Variants in CTSE observed in about 807,000 individuals in gnomAD.
CTSE encodes cathepsin E.
In CTSE, 43 loss-of-function variants were observed where a neutral mutation model predicts 42.8. That is an observed-to-expected ratio of 1.01 (90% CI 0.79 to 1.30). CTSE has a LOEUF of 1.30. CTSE is among the 50% of genes most tolerant of loss of function. The probability of loss-of-function intolerance (pLI) is 0.00; values close to 1 mark genes in which losing one functional copy is unlikely to be tolerated. For synonymous variants in CTSE, 205 were observed against 191.5 expected (o/e 1.07, Z -0.58); for missense variants, 532 against 493.5 (o/e 1.08, Z -0.74).
At chr1:206,022,325 T>A (rs1661464193) in intron 2 of CTSE, 58 bp from the exon 3 acceptor site, 1 of 1,283,888 alleles carries the variant, frequency 7.8e-7, no homozygotes, top group Admixed American at 1.9e-5. Flanking sequence ...ACAAGGGTGC[T>A]CACCAGGAAG....
At chr1:206,018,124 T>C (rs997348268) in intron 4 of CTSE, among the ~76,000 whole-genome samples, 4 of 152,010 alleles carry the variant, frequency 2.6e-5, no homozygotes, top group Non-Finnish European at 4.4e-5. Flanking sequence ...TTTTATCAGA[T>C]TAAGGGAGTT....
chr1:206,013,634 G>C (rs1661180987), intron 6 of CTSE, 138 bp downstream of exon 6: 1 of 1,085,088 alleles, frequency 9.2e-7, no homozygotes, highest in Admixed American at 2.3e-5. Flanking sequence ...CACTTGCTCA[G>C]CACCTCCATA....
rs782775821 is a variant in CTSE, at chr1:206,010,277, G to A, written c.1097C>T (p.Pro366Leu). Residue 366 changes from proline to leucine, a missense_variant, in exon 9 of 9, where the codon CCC becomes CTC. Pro to Leu is a moderately conservative substitution (Grantham distance 98). Coordinates refer to ENST00000358184, the MANE Select transcript of CTSE (RefSeq NM_001910.4). Reference sequence around the variant, plus strand: ...GAAGACATCCCCCAGGATCCAGAGGGGCCCAGCTGGAGGGTGGATGTCAAG... The same window carrying A: ...GAAGACATCCCCCAGGATCCAGAGGAGCCCAGCTGGAGGGTGGATGTCAAG... ...QGLDIHPPAG[P>L]LWILGDVFIR... 1 of 1,613,810 alleles carries A rather than the reference G, an allele frequency of 6.2e-7. No homozygotes were observed. The highest frequency in any genetic ancestry group is 8.5e-7 in the Non-Finnish European group (1 of 1,179,812).
At chr1:206,012,190 G>T in intron 8 of CTSE, 118 bp downstream of exon 8, 1 of 801,486 alleles carries the variant, frequency 1.2e-6, no homozygotes, top group Non-Finnish European at 2.0e-6. Flanking sequence ...CATGAGAGCA[G>T]AACAACGTGG....
chr1:206,013,687 A>T (rs1191541764), intron 6 of CTSE, 85 bp downstream of exon 6: 36 of 1,508,324 alleles, frequency 2.4e-5, no homozygotes, highest in Non-Finnish European at 3.2e-5. Flanking sequence ...GCTAGTGACC[A>T]GTGGTTTTTC....
chr1:206,018,022 T>C (rs1553277896), intron 4 of CTSE, among the ~76,000 whole-genome samples: 1 of 152,028 alleles, frequency 6.6e-6, no homozygotes, highest in African/African-American at 2.4e-5. Flanking sequence ...TGAGTGTCCT[T>C]GTCTCATTCT....
Position 206,021,091 on chromosome 1 carries a change from T to A in CTSE, c.420A>T (p.Gly140=). 1 of 1,613,652 alleles carries A rather than the reference T, an allele frequency of 6.2e-7. No homozygotes were observed. The highest frequency in any genetic ancestry group is 8.5e-7 in the Non-Finnish European group (1 of 1,179,626). ...QPGQSFSIQY[G]TGSLSGIIGA... ...CAATGATCCCGGACAAGCTCCCGGTTCCATACTGAATGGAGAAAGATTGAC... is the reference window on the plus strand; with the variant it reads ...CAATGATCCCGGACAAGCTCCCGGTACCATACTGAATGGAGAAAGATTGAC... Residue 140 remains glycine, a synonymous_variant, in exon 4 of 9, where the codon GGA becomes GGT. Transcript: ENST00000358184.
Position 206,016,011 on chromosome 1 carries a change from C to A in CTSE, c.582G>T (p.Val194=). ...TGTCAAATACTGGAGTCACTCCTCCCACAGCCAAGGAGGGGTATCCCAGGC... is the reference window on the plus strand; with the variant it reads ...TGTCAAATACTGGAGTCACTCCTCCAACAGCCAAGGAGGGGTATCCCAGGC... ...ILGLGYPSLA[V]GGVTPVFDNM... The change falls in exon 5 of 9, where the codon GTG becomes GTT. Residue 194 remains valine, a synonymous_variant. Transcript: ENST00000358184. 1 of 1,613,880 alleles carries A rather than the reference C, an allele frequency of 6.2e-7. No individual in the cohort carries two copies. The highest frequency in any genetic ancestry group is 8.5e-7 in the Non-Finnish European group (1 of 1,179,856).
rs1553277111 is a variant in CTSE, at chr1:206,012,373, G to T, written c.961C>A (p.Pro321Thr). ...AVECANLNVM[P>T]DVTFTINGVP... ...CCGTTAATGGTGAAGGTGACATCCG[G>T]CATGACGTTAAGGTTGGCACACTCC... Residue 321 changes from proline (P) to threonine (T), a missense_variant, in exon 8 of 9, where the codon CCG (proline) becomes ACG (threonine). Pro to Thr is a conservative substitution (Grantham distance 38). Coordinates refer to ENST00000358184, the MANE Select transcript of CTSE (RefSeq NM_001910.4). The T allele has an allele frequency of 1.2e-6, 2 of 1,613,994 alleles. No homozygotes were observed. Among genetic ancestry groups the T allele is most frequent in the Admixed American group, 1.7e-5 (1 of 60,016 alleles).
intron 4 of CTSE, among the ~76,000 whole-genome samples, chr1:206,020,247 A>G (rs980075976): frequency 1.2e-4 from 18 of 151,278 alleles, no homozygotes; most frequent in African/African-American, 4.4e-4. Flanking sequence ...AAAATACAGT[A>G]CATTGTTTTA....
chr1:206,013,020 A>G (rs1661160474), intron 6 of CTSE, among the ~76,000 whole-genome samples: 1 of 152,082 alleles, frequency 6.6e-6, no homozygotes, highest in Non-Finnish European at 1.5e-5. Flanking sequence ...AAATGATGTC[A>G]TGACCCATAA....
chr1:206,020,950 G>A (rs555223461), intron 4 of CTSE, 99 bp downstream of exon 4: 1 of 884,130 alleles, frequency 1.1e-6, no homozygotes, highest in South Asian at 1.5e-5. Flanking sequence ...GCTAACCCCT[G>A]TTTCCACCCA....
intron 2 of CTSE, 40 bp downstream of exon 2, chr1:206,022,861 G>A (rs782354937): frequency 8.6e-6 from 13 of 1,518,808 alleles, no homozygotes; most frequent in South Asian, 3.9e-5. Context: ...CCTTCCTCCC[G>A]CTCCCACCTC....
chr1:206,014,723 C>A (rs917649388), intron 5 of CTSE, among the ~76,000 whole-genome samples: 2 of 152,050 alleles, frequency 1.3e-5, no homozygotes, highest in Non-Finnish European at 2.9e-5. Flanking sequence ...CAAATCCAGG[C>A]CAGTCTGACT....
rs781809425 is a variant in CTSE, at chr1:206,022,932, C to T, written c.194G>A (p.Ser65Asn). ...QFTESCSMDQ[S>N]AKEPLINYLD... is the part of the protein sequence containing the mutation. The stretch of plus-strand genomic sequence containing the variant: ...GTAGTTGATGAGGGGTTCCTTGGCA[C>T]TCTGGTCCATTGAGCAGGACTCGGT... The change falls in exon 2 of 9, where the codon AGT becomes AAT. Residue 65 changes from serine (S) to asparagine (N), a missense_variant. Ser to Asn is a conservative substitution (Grantham distance 46). Transcript: ENST00000358184. 6.3e-7 allele frequency: 1 copy of T among 1,596,926 alleles called. No individual in the cohort carries two copies. The highest frequency in any genetic ancestry group is 1.1e-5 in the South Asian group (1 of 88,528).
intron 4 of CTSE, among the ~76,000 whole-genome samples, chr1:206,020,791 C>G (rs1291088536): frequency 1.3e-5 from 2 of 151,986 alleles, no homozygotes; most frequent in African/African-American, 4.8e-5. Flanking sequence ...AGCTGTGCAC[C>G]CTGCCACCAG....
Position 206,023,823 on chromosome 1 carries a change from C to G in CTSE, c.-32G>C, listed in dbSNP as rs782147432. ...TCCGACCAGCAGCTTCTCCCTTGCCCCCTCCTTTCTTCTCTCCCCGAGGGC... is the reference window on the plus strand; with the variant it reads ...TCCGACCAGCAGCTTCTCCCTTGCCGCCTCCTTTCTTCTCTCCCCGAGGGC... On this transcript the variant is annotated 5_prime_UTR_variant, in exon 1 of 9. Transcript: ENST00000358184. The G allele has an allele frequency of 1.2e-6, 2 of 1,609,634 alleles. No individual in the cohort carries two copies. Among genetic ancestry groups the G allele is most frequent in the Non-Finnish European group, 1.7e-6 (2 of 1,176,248 alleles).
At chr1:206,012,879 A>G (rs1252669651) in intron 6 of CTSE, among the ~76,000 whole-genome samples, 10 of 151,964 alleles carry the variant, frequency 6.6e-5, no homozygotes, top group Admixed American at 2.6e-4. Flanking sequence ...GGTATTTTCT[A>G]CTGTATTCCA....
intron 4 of CTSE, among the ~76,000 whole-genome samples, chr1:206,018,519 A>G (rs959768047): frequency 6.6e-6 from 1 of 152,034 alleles, no homozygotes; most frequent in African/African-American, 2.4e-5. Context: ...TAGTGTTGAG[A>G]GAATTTATCA....
Sources: allele counts gnomAD v4.1 joint callset (sites outside exome capture counted in the v4.1 genomes callset), GRCh38; gene constraint gnomAD v4.1.1; transcripts MANE v1.5; gene names NCBI Gene and HGNC (gene_info 2026-07-23, HGNC 2026-07-21).